Variants in ZNF320 observed in about 807,000 individuals in gnomAD.
ZNF320 encodes the protein zinc finger protein 320.
ZNF320 carries 2 observed loss-of-function variants against 6.8 expected under a neutral mutation model. The observed-to-expected ratio is 0.29, with a 90% confidence interval of 0.12 to 0.93. The LOEUF (loss-of-function observed/expected upper bound fraction) is 0.93, where lower values mean the gene tolerates loss of function less well. ZNF320 is among the 40% of genes least tolerant of loss of function. The pLI, the probability that ZNF320 is intolerant of heterozygous loss-of-function variation, is 0.55. For missense variants in ZNF320, 472 were observed against 611.0 expected (o/e 0.77, Z 2.40); for synonymous variants, 208 against 203.2 (o/e 1.02, Z -0.20).
At chr19:52,876,092 C>T (rs927506139), downstream of ZNF320, 2 of 152,112 alleles carry the variant, frequency 1.3e-5, no homozygotes, top group African/African-American at 4.8e-5. Flanking sequence ...TATTATGGAC[C>T]AGAGGAACTT....
downstream of ZNF320, among the ~76,000 whole-genome samples, chr19:52,860,311 A>G (rs2063480223): frequency 6.6e-6 from 1 of 151,970 alleles, no homozygotes; most frequent in Non-Finnish European, 1.5e-5. Flanking sequence ...ATTTAAAGCT[A>G]TCCTTAGGCG....
At chr19:52,892,840 C>A (rs2064348431) in intron 2 of ZNF320, among the ~76,000 whole-genome samples, 1 of 151,622 alleles carries the variant, frequency 6.6e-6, no homozygotes, top group Non-Finnish European at 1.5e-5. Flanking sequence ...CCACCAGCAC[C>A]ACTCTGCTCT....
At chr19:52,876,150 G>A (rs889000348), downstream of ZNF320, 1 of 152,094 alleles carries the variant, frequency 6.6e-6, no homozygotes, top group African/African-American at 2.4e-5. Context: ...TTAATTAGAT[G>A]ACATAAAGAA....
At chr19:52,899,004 CTTTT>C (rs2064550741), upstream of ZNF320, among the ~76,000 whole-genome samples, 1 of 152,164 alleles carries the variant, frequency 6.6e-6, no homozygotes, top group Non-Finnish European at 1.5e-5. Flanking sequence ...TTTATTTCTT[CTTTT>C]TGAGAGTCTC....
Position 52,881,087 on chromosome 19 carries a change from G to A in ZNF320, c.1039C>T (p.His347Tyr). Residue 347 changes from histidine (H) to tyrosine (Y), a missense_variant, in exon 6 of 6, where the codon CAT (histidine) becomes TAT (tyrosine). His to Tyr is a moderately conservative substitution (Grantham distance 83, BLOSUM62 2). Transcript: ENST00000682928. ...TTCTCTCCAGTATGAATCCTCCTAT[G>A]TCTTTCAAGATGTGATTTGCGACTG... ...VFSRKSHLERHRRIHTGEKPY... is the reference protein window; with the variant it reads ...VFSRKSHLERYRRIHTGEKPY... 1.2e-6 allele frequency: 2 copies of A among 1,614,094 alleles called. No individual in the cohort carries two copies. The highest frequency in any genetic ancestry group is 1.7e-6 in the Non-Finnish European group (2 of 1,180,022).
At chr19:52,875,003 T>C (rs993322324), downstream of ZNF320, among the ~76,000 whole-genome samples, 16 of 152,310 alleles carry the variant, frequency 1.1e-4, no homozygotes, top group African/African-American at 2.4e-4. Context: ...AGCCCAGATC[T>C]GCAGGGATGA....
intron 4 of ZNF320, among the ~76,000 whole-genome samples, chr19:52,889,727 T>G (rs1194835749): frequency 6.6e-6 from 1 of 152,226 alleles, no homozygotes; most frequent in Non-Finnish European, 1.5e-5. Flanking sequence ...GTATGAAGTT[T>G]CCATTCTAAT....
At chr19:52,866,829 A>AGCCTGTTGACAGGGTGAGAC (rs975928592) in intron 5 of ZNF320, among the ~76,000 whole-genome samples, 4 of 150,492 alleles carry the variant, frequency 2.7e-5, no homozygotes, top group Non-Finnish European at 4.4e-5. Context: ...AGTAAGTTCC[A>AGCCTGTTGACAGGGTGAGAC]GCCTGTTGAC....
exon 6 of ZNF320, chr19:52,862,308 T>G: frequency 3.7e-6 from 2 of 547,212 alleles, no homozygotes; most frequent in Non-Finnish European, 7.1e-6. Flanking sequence ...TCCTGCAAGG[T>G]GTGAATCACA....
exon 6 of ZNF320, chr19:52,862,666 C>T: frequency 1.7e-6 from 1 of 582,438 alleles, no homozygotes; most frequent in South Asian, 1.7e-5. Flanking sequence ...ACTCATTACA[C>T]TTGTAAGGTT....
rs150205853 is a variant in ZNF320 at position 52,861,515 on chromosome 19, G to A, written c.*2514C>T. Among the ~76,000 whole-genome samples, 801 of 152,284 alleles carry A rather than the reference G, an allele frequency of 5.3e-3. 9 individuals are homozygous for A. The highest frequency in any genetic ancestry group is 0.016 in the African/African-American group (682 of 41,552). ...AACAAAAAACTGGCTGGGAAAAGTG[G>A]CACACGTCTGTTGGCCAGGCTGATC... On this transcript the variant is annotated 3_prime_UTR_variant, in exon 6 of 6. Coordinates refer to the ZNF320 transcript ENST00000673631.
chr19:52,879,937 T>C lies in ZNF320; in HGVS notation c.*659A>G, dbSNP rs537204720. 2 of 151,988 alleles carry C rather than the reference T, an allele frequency of 1.3e-5. No individual in the cohort carries two copies. Among genetic ancestry groups the C allele is most frequent in the South Asian group, 2.1e-4 (1 of 4,824 alleles). The allele number at this position is 151,988 out of a possible 1,614,324, so 9.4% of individuals were successfully genotyped here. A position where few individuals can be genotyped will look rare whatever the true frequency, so the allele number is the denominator to read the frequency against. Reference sequence around the variant, plus strand: ...AACATTGATCAAAGTGATAAAAACATGTGCAAATAAGAGATACAAGCCATA... The same window carrying C: ...AACATTGATCAAAGTGATAAAAACACGTGCAAATAAGAGATACAAGCCATA... On this transcript the variant is annotated 3_prime_UTR_variant, in exon 6 of 6. Coordinates refer to ENST00000682928, the MANE Select transcript of ZNF320 (RefSeq NM_001351774.2).
chr19:52,899,178 C>T (rs1039842663), upstream of ZNF320, among the ~76,000 whole-genome samples: 1 of 152,164 alleles, frequency 6.6e-6, no homozygotes, highest in African/African-American at 2.4e-5. Context: ...AGGTAGCAAA[C>T]AAGAGAGCAG....
chr19:52,873,518 A>C (rs552360241), downstream of ZNF320, among the ~76,000 whole-genome samples: 1 of 152,190 alleles, frequency 6.6e-6, no homozygotes, highest in Non-Finnish European at 1.5e-5. Context: ...CAGCATCTCA[A>C]AGCAGAACAA....
At chr19:52,873,077 G>C (rs1047857969), downstream of ZNF320, among the ~76,000 whole-genome samples, 1 of 152,162 alleles carries the variant, frequency 6.6e-6, no homozygotes, top group African/African-American at 2.4e-5. Context: ...TCAGTAAATA[G>C]AATGTACAAT....
At chr19:52,888,648 T>C (rs963153310) in intron 4 of ZNF320, among the ~76,000 whole-genome samples, 2 of 148,908 alleles carry the variant, frequency 1.3e-5, no homozygotes, top group African/African-American at 5.0e-5. Context: ...ATAAAATACA[T>C]GAAAGTAAAA....
intron 5 of ZNF320, among the ~76,000 whole-genome samples, chr19:52,869,380 G>GA (rs1203312941): frequency 6.6e-6 from 1 of 152,002 alleles, no homozygotes; most frequent in Non-Finnish European, 1.5e-5. Context: ...CATACACACA[G>GA]AAAAAAATGA....
chr19:52,863,326 T>C (rs6509699), exon 6 of ZNF320, among the ~76,000 whole-genome samples: 77,735 of 152,146 alleles, frequency 0.51, 20,322 homozygotes, highest in African/African-American at 0.6. Context: ...AGGTCGGGCA[T>C]GGTGGTTCAC....
At chr19:52,868,611 T>C (rs910432334) in intron 5 of ZNF320, among the ~76,000 whole-genome samples, 31 of 151,974 alleles carry the variant, frequency 2.0e-4, no homozygotes, top group Non-Finnish European at 3.4e-4. Flanking sequence ...AATTTGCACA[T>C]ACAGTAAGTG....
Sources: gnomAD v4.1 joint callset for allele counts (sites outside exome capture counted in the v4.1 genomes callset) on GRCh38, gnomAD v4.1.1 for gene constraint, MANE v1.5 for transcripts, NCBI Gene and HGNC (gene_info 2026-07-23, HGNC 2026-07-21) for gene names.